MGAT4C: variants seen among roughly 807,000 people sequenced by gnomAD.
The protein encoded by MGAT4C is alpha-1,3-mannosyl-glycoprotein 4-beta-N-acetylglucosaminyltransferase C.
MGAT4C carries 19 observed loss-of-function variants against 40.1 expected under a neutral mutation model. The observed-to-expected ratio is 0.47, with a 90% confidence interval of 0.33 to 0.70. MGAT4C has a LOEUF of 0.70. MGAT4C is among the 30% of genes least tolerant of loss of function. MGAT4C has a pLI of 0.02. For synonymous variants in MGAT4C, 181 were observed against 187.1 expected (o/e 0.97, Z 0.27); for missense variants, 491 against 563.2 (o/e 0.87, Z 1.30).
At chr12:86,506,143 G>A (rs1958469504) in intron 2 of MGAT4C, among the ~76,000 whole-genome samples, 1 of 152,116 alleles carries the variant, frequency 6.6e-6, no homozygotes, top group Non-Finnish European at 1.5e-5. Flanking sequence ...CTGTTTCTGT[G>A]GGAAATCTCA....
chr12:86,730,206 A>G (rs1451320178), intron 1 of MGAT4C, among the ~76,000 whole-genome samples: 1 of 152,092 alleles, frequency 6.6e-6, no homozygotes, highest in African/African-American at 2.4e-5. Flanking sequence ...CAACTTGTAG[A>G]TTGAATTCCA....
chr12:86,372,002 T>C (rs1287423787), intron 3 of MGAT4C, among the ~76,000 whole-genome samples: 1 of 150,952 alleles, frequency 6.6e-6, no homozygotes, highest in Admixed American at 6.6e-5. Flanking sequence ...TTAATGAAGA[T>C]TTTTTTTTCA....
intron 1 of MGAT4C, among the ~76,000 whole-genome samples, chr12:86,249,146 C>G (rs1349182725): frequency 6.6e-6 from 1 of 152,032 alleles, no homozygotes; most frequent in East Asian, 1.9e-4. Flanking sequence ...GACCCCAGCC[C>G]AATAGTAAAG....
chr12:86,502,086 C>T (rs1416384282), intron 2 of MGAT4C, among the ~76,000 whole-genome samples: 1 of 151,940 alleles, frequency 6.6e-6, no homozygotes, highest in Non-Finnish European at 1.5e-5. Context: ...AACAAGATGT[C>T]CTTCAAAAGG....
intron 4 of MGAT4C, among the ~76,000 whole-genome samples, chr12:86,283,267 A>C (rs1168072205): frequency 6.6e-6 from 1 of 151,902 alleles, no homozygotes; most frequent in Non-Finnish European, 1.5e-5. Context: ...TCACATCCCT[A>C]TTCTGTTTGT....
Position 86,112,990 on chromosome 12 carries a change from A to G in MGAT4C, c.-56-63267T>C, listed in dbSNP as rs147090851. 5.2e-3 allele frequency among the ~76,000 whole-genome samples: 783 copies of G among 151,904 alleles called. 4 individuals are homozygous for G. Among genetic ancestry groups the G allele is most frequent in the Middle Eastern group, 0.01 (3 of 294 alleles). On this transcript the variant is annotated intron_variant, in intron 1 of 4. Coordinates refer to ENST00000611864, the MANE Select transcript of MGAT4C (RefSeq NM_001351288.2). ...TTAATCTAGGAGTGTAAGAGAAAAT[A>G]TAACTGAAGCTGGAAACAAAAAATA...
chr12:86,059,933 T>C (rs562751692), intron 1 of MGAT4C, among the ~76,000 whole-genome samples: 3 of 152,272 alleles, frequency 2.0e-5, no homozygotes, highest in East Asian at 1.9e-4. Flanking sequence ...GAAGATCTTA[T>C]ACAGAATGAG....
intron 2 of MGAT4C, among the ~76,000 whole-genome samples, chr12:86,017,247 C>CA (rs1889184641): frequency 6.6e-6 from 1 of 152,048 alleles, no homozygotes; most frequent in African/African-American, 2.4e-5. Flanking sequence ...GAATCTCGAA[C>CA]TCGGAGCTAT....
chr12:86,810,519 T>C (rs951364899), intron 1 of MGAT4C, among the ~76,000 whole-genome samples: 1 of 151,952 alleles, frequency 6.6e-6, no homozygotes, highest in Non-Finnish European at 1.5e-5. Flanking sequence ...TATTTCTAAC[T>C]TTTTAAGAGC....
At chr12:86,708,779 C>A (rs530074875) in intron 2 of MGAT4C, among the ~76,000 whole-genome samples, 42 of 152,256 alleles carry the variant, frequency 2.8e-4, no homozygotes, top group Admixed American at 9.8e-4. Context: ...TTTCATGGGG[C>A]CTGAAACCTC....
chr12:86,208,742 G>A (rs1950352007), intron 1 of MGAT4C, among the ~76,000 whole-genome samples: 1 of 151,992 alleles, frequency 6.6e-6, no homozygotes. Flanking sequence ...AAACTCTGAG[G>A]ACAGTAGCAT....
At chr12:86,191,190 G>T (rs1403567418) in intron 1 of MGAT4C, among the ~76,000 whole-genome samples, 1 of 151,478 alleles carries the variant, frequency 6.6e-6, no homozygotes, top group Non-Finnish European at 1.5e-5. Context: ...TTGGTGCTGG[G>T]AATGGTTCTA....
At chr12:86,510,610 G>A (rs74192101) in intron 2 of MGAT4C, among the ~76,000 whole-genome samples, 1 of 152,094 alleles carries the variant, frequency 6.6e-6, no homozygotes, top group Non-Finnish European at 1.5e-5. Flanking sequence ...CACATGCAGA[G>A]ACAAACATAG....
intron 1 of MGAT4C, among the ~76,000 whole-genome samples, chr12:86,795,961 A>C (rs1168910226): frequency 6.6e-6 from 1 of 152,016 alleles, no homozygotes; most frequent in Non-Finnish European, 1.5e-5. Context: ...AGAGCAACGT[A>C]AGACTGGTGA....
chr12:86,096,822 G>C (rs1225529293), intron 1 of MGAT4C, among the ~76,000 whole-genome samples: 2 of 151,154 alleles, frequency 1.3e-5, no homozygotes, highest in Non-Finnish European at 3.0e-5. Context: ...ATCTGTAGAG[G>C]GGATTCTTCC....
At position 86,776,808 on chromosome 12, in the gene MGAT4C, A is replaced by G. The variant is rs188708008; in HGVS notation, c.-261-49567T>C. Among the ~76,000 whole-genome samples the G allele has an allele frequency of 5.9e-5, 9 of 152,250 alleles. No homozygotes were observed. The East Asian group carries it at 1.7e-3, about 29-fold the overall frequency. ...TACTTCCTTCTCACACTTTGAATAC[A>G]TTCAAATCAAATGAGACATATAAAT... On this transcript the variant is annotated intron_variant, in intron 1 of 7. Coordinates refer to the MGAT4C transcript ENST00000548651.
intron 1 of MGAT4C, among the ~76,000 whole-genome samples, chr12:86,730,108 A>G (rs1227386571): frequency 2.6e-5 from 4 of 152,040 alleles, no homozygotes; most frequent in Non-Finnish European, 5.9e-5. Context: ...TAGGAGCCAA[A>G]TAGCCCCAGA....
intron 4 of MGAT4C, among the ~76,000 whole-genome samples, chr12:86,272,677 C>T (rs1952979684): frequency 1.3e-5 from 2 of 151,862 alleles, no homozygotes; most frequent in Non-Finnish European, 2.9e-5. Flanking sequence ...ATGGTGAATC[C>T]CCAACTCTAC....
At chr12:85,996,934 C>T (rs1350979306) in intron 2 of MGAT4C, among the ~76,000 whole-genome samples, 2 of 152,100 alleles carry the variant, frequency 1.3e-5, no homozygotes, top group Non-Finnish European at 2.9e-5. Flanking sequence ...ATATTTAAAA[C>T]ACTATCAAAT....
Sources: allele counts gnomAD v4.1 joint callset (sites outside exome capture counted in the v4.1 genomes callset), GRCh38; gene constraint gnomAD v4.1.1; transcripts MANE v1.5; gene names NCBI Gene and HGNC (gene_info 2026-07-23, HGNC 2026-07-21).